Variants in TSPAN3 observed in about 807,000 individuals in gnomAD.
TSPAN3 encodes tetraspanin-3.
In TSPAN3, 9 loss-of-function variants were observed where a neutral mutation model predicts 31.1. The observed-to-expected ratio is 0.29, with a 90% CI of 0.17 to 0.50. The LOEUF (loss-of-function observed/expected upper bound fraction) is 0.50. Ranked by LOEUF, TSPAN3 falls within the 20% of genes least tolerant of loss-of-function variation. The pLI is 0.98. For missense variants in TSPAN3, 252 were observed against 313.5 expected (o/e 0.80, Z 1.48); for synonymous variants, 129 against 114.3 (o/e 1.13, Z -0.82).
In TSPAN3 at chr15:77,044,756, T is replaced by C. The variant is rs1183522321; in HGVS notation, c.*2079A>G. ...GCCCTGTTCTGTCCTGTAGAAAGAG[T>C]GGAGAACAACCAACATCACAGTCCA... On this transcript the variant is annotated 3_prime_UTR_variant, in exon 7 of 7. Coordinates refer to ENST00000267970, the MANE Select transcript of TSPAN3 (RefSeq NM_005724.6). 6.6e-6 allele frequency: 1 copy of C among 151,962 alleles called. No individual in the cohort carries two copies. The allele number at this position is 151,962 out of a possible 1,614,324, so 9.4% of individuals were successfully genotyped here. A position where few individuals can be genotyped will look rare whatever the true frequency, so the allele number is the denominator to read the frequency against.
At chr15:77,069,941 G>C (rs2076856846) in intron 1 of TSPAN3, 1 of 152,260 alleles carries the variant, frequency 6.6e-6, no homozygotes, top group African/African-American at 2.4e-5. Flanking sequence ...TCCAAGACCA[G>C]GGGAAGGAGT....
At chr15:77,051,254 G>A (rs904125678) in intron 6 of TSPAN3, among the ~76,000 whole-genome samples, 2 of 151,972 alleles carry the variant, frequency 1.3e-5, no homozygotes, top group Non-Finnish European at 2.9e-5. Context: ...GAGGCTGGGC[G>A]CGATGGCTCA....
At position 77,070,961 on chromosome 15, in the gene TSPAN3, G is replaced by T; in HGVS notation, c.-7C>A. Reference sequence around the variant, plus strand: ...TGATGCCGCACTGGCCCATGGCGCCGGTGGCCCGCGAAGGCCCGGCCCGGA... The same window carrying T: ...TGATGCCGCACTGGCCCATGGCGCCTGTGGCCCGCGAAGGCCCGGCCCGGA... On this transcript the variant is annotated 5_prime_UTR_variant, in exon 1 of 7. Coordinates refer to ENST00000267970, the MANE Select transcript of TSPAN3 (RefSeq NM_005724.6). The T allele has an allele frequency of 7.0e-7, 1 of 1,428,632 alleles. No homozygotes were observed. The highest frequency in any genetic ancestry group is 9.2e-7 in the Non-Finnish European group (1 of 1,083,730). 88.5% of individuals were successfully genotyped at this position (1,428,632 alleles called of 1,614,324 possible).
chr15:77,060,562 C>G (rs548297063), intron 1 of TSPAN3, among the ~76,000 whole-genome samples: 1 of 152,114 alleles, frequency 6.6e-6, no homozygotes, highest in South Asian at 2.1e-4. Flanking sequence ...TTTGTCATCC[C>G]TCAGATTTTT....
rs899392838 is a variant in TSPAN3, at chr15:77,043,834, C to G, written c.*3001G>C. ...TGCAGTCGTCAGAGAGTATCTTCTT[C>G]TTGGTAAGTACCCACTGAGGTATTA... On this transcript the variant is annotated 3_prime_UTR_variant, in exon 7 of 7. Coordinates refer to ENST00000267970, the MANE Select transcript of TSPAN3 (RefSeq NM_005724.6). 1 of 152,238 alleles carries G rather than the reference C, an allele frequency of 6.6e-6. No homozygotes were observed. The highest frequency in any genetic ancestry group is 2.4e-5 in the African/African-American group (1 of 41,526). The allele number at this position is 152,238 out of a possible 1,614,324, so 9.4% of individuals were successfully genotyped here.
intron 4 of TSPAN3, among the ~76,000 whole-genome samples, chr15:77,053,321 C>A (rs2076744031): frequency 2.6e-5 from 4 of 151,450 alleles, no homozygotes; most frequent in Admixed American, 1.3e-4. Context: ...CATGGTGAAA[C>A]CCCGTCTCTA....
At chr15:77,064,275 A>T (rs966206006) in intron 1 of TSPAN3, 1 of 152,084 alleles carries the variant, frequency 6.6e-6, no homozygotes, top group African/African-American at 2.4e-5. Context: ...TGAAAAGTCT[A>T]CCCTCTCTCC....
rs139144425 is a variant in TSPAN3 at position 77,058,502 on chromosome 15, G to A, written c.64-2247C>T. 2.2e-4 allele frequency among the ~76,000 whole-genome samples: 34 copies of A among 152,316 alleles called. 1 individual carries two copies. Among genetic ancestry groups the A allele is most frequent in the African/African-American group, 7.2e-4 (30 of 41,576 alleles). On this transcript the variant is annotated intron_variant, in intron 1 of 6. Transcript: ENST00000267970. The stretch of plus-strand genomic sequence containing the variant: ...AGCCATTCTTGACCATTTCAGGCTG[G>A]ATTAGCTGCCCTTGGTGGACACAAA...
At position 77,055,640 on chromosome 15, in the gene TSPAN3, T is replaced by C. The variant is rs111689029; in HGVS notation, c.330+149A>G. On this transcript the variant is annotated intron_variant, in intron 3 of 6. Coordinates refer to ENST00000267970, the MANE Select transcript of TSPAN3 (RefSeq NM_005724.6). ...GTAAGGAGTCTTGACATGTAAATAT[T>C]TGCCAATTAACTTTAGATATTTGAA... is the stretch of plus-strand genomic sequence containing the variant. The C allele has an allele frequency of 8.1e-3, 5,045 of 622,390 alleles. 68 individuals carry two copies. The highest frequency in any genetic ancestry group is 0.05 in the African/African-American group (2,711 of 53,970). The allele number at this position is 622,390 out of a possible 1,614,324, so 38.6% of individuals were successfully genotyped here.
At chr15:77,070,585 G>A (rs577102787) in intron 1 of TSPAN3, among the ~76,000 whole-genome samples, 9 of 152,030 alleles carry the variant, frequency 5.9e-5, no homozygotes, top group South Asian at 2.1e-4. Context: ...GCGACTCCGG[G>A]GGGGGGAGAC....
Position 77,054,259 on chromosome 15 carries a change from G to C in TSPAN3, c.351C>G (p.Arg117=). 1.2e-6 allele frequency: 2 copies of C among 1,613,192 alleles called. No homozygotes were observed. Among genetic ancestry groups the C allele is most frequent in the Non-Finnish European group, 1.7e-6 (2 of 1,179,322 alleles). The part of the protein sequence containing the change: ...YRAKVENEVD[R]SIQKVYKTYN... ...AGGTCTTATACACTTTCTGAATGCT[G>C]CGATCAACCTCATTTTCCACCTGAA... The change falls in exon 4 of 7, where the codon CGC becomes CGG. Residue 117 remains arginine (R), a synonymous_variant. Transcript: ENST00000267970.
intron 1 of TSPAN3, among the ~76,000 whole-genome samples, chr15:77,069,666 T>C (rs997007265): frequency 6.6e-6 from 1 of 152,172 alleles, no homozygotes; most frequent in Non-Finnish European, 1.5e-5. Flanking sequence ...CATCCTTTTA[T>C]GAGACAGCTG....
intron 1 of TSPAN3, among the ~76,000 whole-genome samples, chr15:77,070,678 C>G (rs1452288067): frequency 6.6e-6 from 1 of 151,946 alleles, no homozygotes; most frequent in East Asian, 1.9e-4. Flanking sequence ...GAAGGCCTCC[C>G]CTCGCTGTCC....
At chr15:77,058,435 G>A (rs192338848) in intron 1 of TSPAN3, among the ~76,000 whole-genome samples, 98 of 152,220 alleles carry the variant, frequency 6.4e-4, no homozygotes, top group African/African-American at 2.3e-3. Flanking sequence ...ACTCCTTGTC[G>A]CTCATTAAGA....
chr15:77,056,348 G>A (rs1486836222), intron 1 of TSPAN3, 93 bp from the exon 2 acceptor site: 18 of 997,888 alleles, frequency 1.8e-5, no homozygotes, highest in African/African-American at 1.2e-4. Context: ...GAGAGTTACC[G>A]TAACTGTTAT....
intron 1 of TSPAN3, among the ~76,000 whole-genome samples, chr15:77,061,394 G>A (rs1296125984): frequency 6.6e-6 from 1 of 152,112 alleles, no homozygotes. Context: ...GGGCGTGGTG[G>A]CACATGCCTG....
Position 77,046,923 on chromosome 15 carries a change from A to G in TSPAN3, c.674T>C (p.Leu225Pro), listed in dbSNP as rs1364726281. Residue 225 changes from leucine (L) to proline (P), a missense_variant, in exon 7 of 7, where the codon CTG (leucine) becomes CCG (proline). Coordinates refer to ENST00000267970, the MANE Select transcript of TSPAN3 (RefSeq NM_005724.6). ...CACGATGCAAGCACACAGCATGCCC[A>G]GCAGCTGTTGAAAGAAAACAACAAT... ...AALAFAAIQL[L>P]GMLCACIVLC... 1.3e-6 allele frequency: 2 copies of G among 1,576,128 alleles called. No homozygotes were observed. The highest frequency in any genetic ancestry group is 1.7e-6 in the Non-Finnish European group (2 of 1,157,894).
intron 6 of TSPAN3, among the ~76,000 whole-genome samples, chr15:77,050,086 T>A (rs2076720529): frequency 6.6e-6 from 1 of 152,158 alleles, no homozygotes; most frequent in African/African-American, 2.4e-5. Context: ...CAGCTCTAAA[T>A]GTCTATATTA....
Position 77,042,903 on chromosome 15 carries a change from T to A in TSPAN3, c.*3932A>T, listed in dbSNP as rs1297814781. 2 of 152,154 alleles carry A rather than the reference T, an allele frequency of 1.3e-5. No individual in the cohort carries two copies. Among genetic ancestry groups the A allele is most frequent in the Non-Finnish European group, 2.9e-5 (2 of 68,034 alleles). The allele number at this position is 152,154 out of a possible 1,614,324, so 9.4% of individuals were successfully genotyped here. ...CTCGACTAGGTGTGCCAGGTACTCA[T>A]TTATTGCCTCTTAACTCCAAATTTC... On this transcript the variant is annotated 3_prime_UTR_variant, in exon 7 of 7. Transcript: ENST00000267970.
Sources: gnomAD v4.1 joint callset for allele counts (sites outside exome capture counted in the v4.1 genomes callset) on GRCh38, gnomAD v4.1.1 for gene constraint, MANE v1.5 for transcripts, NCBI Gene and HGNC (gene_info 2026-07-23, HGNC 2026-07-21) for gene names.